Variants in ITM2B observed in about 807,000 individuals in gnomAD.
ITM2B encodes integral membrane protein 2B.
Under a neutral mutation model 27.8 loss-of-function variants are expected in ITM2B, and 11 were observed. The ratio of observed to expected loss-of-function variants is 0.40; its 90% CI spans 0.25 to 0.66. The LOEUF is 0.66. Among genes scored for constraint, ITM2B ranks in the 30% least tolerant of loss-of-function variants. The pLI is 0.43. For missense variants in ITM2B, 296 were observed against 328.9 expected (o/e 0.90, Z 0.77); for synonymous variants, 114 against 114.3 (o/e 1.00, Z 0.02).
intron 5 of ITM2B, among the ~76,000 whole-genome samples, chr13:48,260,781 C>T (rs1011761260): frequency 2.6e-5 from 4 of 152,058 alleles, no homozygotes; most frequent in Admixed American, 1.3e-4. Flanking sequence ...CAGCCTTACA[C>T]GTGCCATGAA....
chr13:48,238,309 G>T (rs1951680355), intron 1 of ITM2B, among the ~76,000 whole-genome samples: 1 of 152,104 alleles, frequency 6.6e-6, no homozygotes, highest in Non-Finnish European at 1.5e-5. Flanking sequence ...ACAATTGAAT[G>T]AACAAGATTA....
chr13:48,252,710 T>G (rs1951762250), intron 1 of ITM2B, among the ~76,000 whole-genome samples: 1 of 152,240 alleles, frequency 6.6e-6, no homozygotes, highest in Non-Finnish European at 1.5e-5. Flanking sequence ...TATATAGGTT[T>G]AGGTGAAGTC....
intron 1 of ITM2B, among the ~76,000 whole-genome samples, chr13:48,241,023 G>A (rs1473141713): frequency 6.6e-6 from 1 of 152,060 alleles, no homozygotes; most frequent in Non-Finnish European, 1.5e-5. Context: ...TATTACCATG[G>A]TGACCACTAG....
chr13:48,244,757 A>T (rs540567119), intron 1 of ITM2B, among the ~76,000 whole-genome samples: 1 of 152,270 alleles, frequency 6.6e-6, no homozygotes, highest in South Asian at 2.1e-4. Context: ...TTTATAATGA[A>T]TTATATAAAA....
At position 48,268,806 on chromosome 13, in the gene ITM2B, G is replaced by A. The variant is rs1170184178; in HGVS notation, c.*7582G>A. ...ATCTTTATTGTAAACATATCTTTTT[G>A]AGGGTAGATTGGTAAAATATACATA... On this transcript the variant is annotated 3_prime_UTR_variant, in exon 6 of 6. Transcript: ENST00000647800. The A allele has an allele frequency of 6.6e-6, 1 of 152,092 alleles. No homozygotes were observed. Among genetic ancestry groups the A allele is most frequent in the Non-Finnish European group, 1.5e-5 (1 of 68,002 alleles). The allele number at this position is 152,092 out of a possible 1,614,324, so 9.4% of individuals were successfully genotyped here.
At position 48,270,169 on chromosome 13, in the gene ITM2B, G is replaced by A. The variant is rs570579050; in HGVS notation, c.*8945G>A. On this transcript the variant is annotated 3_prime_UTR_variant, in exon 6 of 6. Transcript: ENST00000647800. ...AAGGCTTATGCCCAGGTATCCCTGT[G>A]GCTATGAGCATTGCTCCTTATCTAT... The A allele has an allele frequency of 6.6e-6, 1 of 152,272 alleles. No individual in the cohort carries two copies. Among genetic ancestry groups the A allele is most frequent in the Non-Finnish European group, 1.5e-5 (1 of 68,018 alleles). The allele number at this position is 152,272 out of a possible 1,614,324, so 9.4% of individuals were successfully genotyped here. A position where few individuals can be genotyped will look rare whatever the true frequency, so the allele number is the denominator to read the frequency against.
chr13:48,238,127 T>A (rs140257596), intron 1 of ITM2B, among the ~76,000 whole-genome samples: 75 of 152,326 alleles, frequency 4.9e-4, no homozygotes, highest in African/African-American at 1.6e-3. Context: ...ATGAAAGTCT[T>A]TTCCAAAGTA....
At chr13:48,253,681 A>G in intron 1 of ITM2B, 127 bp from the exon 2 acceptor site, 1 of 953,518 alleles carries the variant, frequency 1.0e-6, no homozygotes, top group Non-Finnish European at 1.7e-6. Flanking sequence ...TTTTGATGAG[A>G]GACACAACTC....
At chr13:48,248,673 A>G (rs1336226306) in intron 1 of ITM2B, among the ~76,000 whole-genome samples, 1 of 152,236 alleles carries the variant, frequency 6.6e-6, no homozygotes, top group Non-Finnish European at 1.5e-5. Context: ...CTTGAGCCAC[A>G]CATAAAATAC....
At chr13:48,255,261 GCGTGTGCGTGCGCGCA>G (rs1284216242) in intron 2 of ITM2B, among the ~76,000 whole-genome samples, 7 of 151,540 alleles carry the variant, frequency 4.6e-5, no homozygotes, top group South Asian at 2.1e-4. Context: ...GTGTGCGCGC[GCGTGTGCGTGCGCGCA>G]CGTGTACATG....
chr13:48,263,855 A>G lies in ITM2B; in HGVS notation c.*2631A>G, dbSNP rs1951835752. On this transcript the variant is annotated 3_prime_UTR_variant, in exon 6 of 6. Coordinates refer to ENST00000647800, the MANE Select transcript of ITM2B (RefSeq NM_021999.5). ...CACCTCTCAAAGGCCCCATTTCCTA[A>G]TACTGTCACCTTGGGGGTAAGGATT... 6.6e-6 allele frequency: 1 copy of G among 152,112 alleles called. No individual in the cohort carries two copies. Among genetic ancestry groups the G allele is most frequent in the Non-Finnish European group, 1.5e-5 (1 of 68,040 alleles). The allele number at this position is 152,112 out of a possible 1,614,324, so 9.4% of individuals were successfully genotyped here.
intron 1 of ITM2B, among the ~76,000 whole-genome samples, chr13:48,252,533 G>A (rs1007144242): frequency 3.3e-5 from 5 of 152,188 alleles, no homozygotes; most frequent in Non-Finnish European, 5.9e-5. Context: ...GAGGTGGAAC[G>A]GTTTCACCCC....
intron 1 of ITM2B, 105 bp downstream of exon 1, chr13:48,233,582 G>T (rs1951649500): frequency 3.1e-6 from 2 of 645,830 alleles, no homozygotes; most frequent in Non-Finnish European, 4.9e-6. Flanking sequence ...CGGGGCTCGC[G>T]CCGCGGGGAC....
At chr13:48,248,948 A>G (rs911089918) in intron 1 of ITM2B, among the ~76,000 whole-genome samples, 2 of 152,356 alleles carry the variant, frequency 1.3e-5, no homozygotes, top group Middle Eastern at 3.4e-3. Flanking sequence ...GGTGTTAGAC[A>G]TTCTTTTATT....
chr13:48,235,365 C>T (rs1397518341), intron 1 of ITM2B, among the ~76,000 whole-genome samples: 1 of 152,106 alleles, frequency 6.6e-6, no homozygotes, highest in African/African-American at 2.4e-5. Context: ...TCCTCCATAT[C>T]CAAAGAAAAA....
chr13:48,233,462 C>T lies in ITM2B; in HGVS notation c.102C>T (p.Val34=). 6.5e-7 allele frequency: 1 copy of T among 1,532,634 alleles called. No individual in the cohort carries two copies. Among genetic ancestry groups the T allele is most frequent in the Non-Finnish European group, 8.8e-7 (1 of 1,140,690 alleles). 94.9% of individuals were successfully genotyped at this position (1,532,634 alleles called of 1,614,324 possible). Residue 34 remains valine, a synonymous_variant, in exon 1 of 6, where the codon GTC becomes GTT. Transcript: ENST00000647800. The part of the protein sequence containing the change: ...EEALIIPPDA[V]AVDCKDPDDV... ...CGCTCATCATCCCCCCCGACGCCGT[C>T]GCGGTGGACTGCAAGGTCCGAGCCC...
At chr13:48,254,220 T>C (rs534630822) in intron 2 of ITM2B, among the ~76,000 whole-genome samples, 86 of 152,314 alleles carry the variant, frequency 5.6e-4, no homozygotes, top group Non-Finnish European at 1.1e-3. Context: ...TTTCCTACTA[T>C]AATTAAGGGT....
chr13:48,245,375 A>G (rs1951718980), intron 1 of ITM2B, among the ~76,000 whole-genome samples: 2 of 152,210 alleles, frequency 1.3e-5, no homozygotes, highest in Admixed American at 6.5e-5. Flanking sequence ...GAATAAACAC[A>G]GTAGAGAAAT....
At chr13:48,238,890 C>A (rs749055002) in intron 1 of ITM2B, among the ~76,000 whole-genome samples, 4 of 152,018 alleles carry the variant, frequency 2.6e-5, no homozygotes, top group Non-Finnish European at 5.9e-5. Context: ...ACTGCATAGG[C>A]AGAGCAGTCA....
Sources: allele counts gnomAD v4.1 joint callset (sites outside exome capture counted in the v4.1 genomes callset), GRCh38; gene constraint gnomAD v4.1.1; transcripts MANE v1.5; gene names NCBI Gene and HGNC (gene_info 2026-07-23, HGNC 2026-07-21).